Variants in ANK3 observed in about 807,000 individuals in gnomAD.
The protein encoded by ANK3 is ankyrin-3.
In ANK3, 57 loss-of-function variants were observed where a neutral mutation model predicts 370.9. That is an observed-to-expected ratio of 0.15 (90% CI 0.12 to 0.19). The LOEUF is 0.19. Among genes scored for constraint, ANK3 ranks in the 10% least tolerant of loss-of-function variants. The pLI, the probability that ANK3 is intolerant of heterozygous loss-of-function variation, is 1.00. For synonymous variants in ANK3, 1,929 were observed against 1,946.3 expected (o/e 0.99, Z 0.23); for missense variants, 4,439 against 5,302.1 (o/e 0.84, Z 5.06).
chr10:60,382,013 C>T (rs2061613463), intron 1 of ANK3, among the ~76,000 whole-genome samples: 1 of 152,130 alleles, frequency 6.6e-6, no homozygotes, highest in South Asian at 2.1e-4. Flanking sequence ...ACCATGTTTT[C>T]ATACTTTCTT....
At chr10:60,179,604 A>G (rs1222948798) in intron 18 of ANK3, among the ~76,000 whole-genome samples, 1 of 151,262 alleles carries the variant, frequency 6.6e-6, no homozygotes, top group African/African-American at 2.4e-5. Flanking sequence ...CTGAGGTGGG[A>G]TTGCTTGAAT....
chr10:60,565,885 G>C (rs1444923563), intron 2 of ANK3, among the ~76,000 whole-genome samples: 1 of 152,126 alleles, frequency 6.6e-6, no homozygotes, highest in Non-Finnish European at 1.5e-5. Context: ...TTTCTACACA[G>C]ATTGGTTTAA....
intron 2 of ANK3, among the ~76,000 whole-genome samples, chr10:60,456,837 G>A (rs1033214226): frequency 6.6e-6 from 1 of 152,080 alleles, no homozygotes; most frequent in Non-Finnish European, 1.5e-5. Flanking sequence ...CTAGATTTTT[G>A]CTTCCTGCTG....
intron 20 of ANK3, 44 bp downstream of exon 20, chr10:60,172,856 A>G (rs368259667): frequency 6.0e-6 from 8 of 1,339,580 alleles, no homozygotes; most frequent in Non-Finnish European, 8.5e-6. Context: ...GTCCAGGCCC[A>G]TCTATCTCCT....
At chr10:60,222,620 A>G (rs954170202) in intron 8 of ANK3, among the ~76,000 whole-genome samples, 1 of 152,126 alleles carries the variant, frequency 6.6e-6, no homozygotes, top group African/African-American at 2.4e-5. Flanking sequence ...ATTCACAGTT[A>G]CTCCTCAGTC....
intron 2 of ANK3, among the ~76,000 whole-genome samples, chr10:60,468,631 T>C (rs995558358): frequency 2.6e-5 from 4 of 152,032 alleles, no homozygotes; most frequent in African/African-American, 9.7e-5. Flanking sequence ...CTAGCCTGGT[T>C]TCCAGTCCCA....
chr10:60,553,224 A>C (rs2077129849), intron 2 of ANK3, among the ~76,000 whole-genome samples: 1 of 152,140 alleles, frequency 6.6e-6, no homozygotes, highest in Non-Finnish European at 1.5e-5. Flanking sequence ...TGGATTCTGA[A>C]AGGCTAGAAT....
intron 2 of ANK3, among the ~76,000 whole-genome samples, chr10:60,582,590 T>G (rs1411699464): frequency 6.6e-6 from 1 of 151,562 alleles, no homozygotes; most frequent in Non-Finnish European, 1.5e-5. Context: ...TCAAGGTCAC[T>G]ATGTGGCTCT....
At chr10:60,392,575 GTTTACATAGGA>G (rs1035787611), upstream of ANK3, among the ~76,000 whole-genome samples, 2 of 152,188 alleles carry the variant, frequency 1.3e-5, no homozygotes, top group African/African-American at 2.4e-5. Context: ...CCATGAGAAT[GTTTACATAGGA>G]TTTACATAGG....
chr10:60,177,802 G>A (rs748846013), intron 18 of ANK3, among the ~76,000 whole-genome samples: 4 of 151,852 alleles, frequency 2.6e-5, no homozygotes, highest in African/African-American at 7.3e-5. Context: ...GGGTTTCGCC[G>A]TGTTAGCCAG....
intron 1 of ANK3, among the ~76,000 whole-genome samples, chr10:60,346,293 A>G (rs2132676293): frequency 1.3e-5 from 1 of 75,018 alleles, no homozygotes; most frequent in South Asian, 1.3e-3. Flanking sequence ...ATGGCACACA[A>G]AAAAGGTTAA....
intron 1 of ANK3, among the ~76,000 whole-genome samples, chr10:60,632,462 T>C (rs1345304768): frequency 6.6e-6 from 1 of 152,178 alleles, no homozygotes; most frequent in African/African-American, 2.4e-5. Flanking sequence ...AAACTACTTA[T>C]TCTTGCCAGG....
chr10:60,172,950 T>C lies in ANK3; in HGVS notation c.2332A>G (p.Ile778Val), dbSNP rs768430532. 5 of 1,614,062 alleles carry C rather than the reference T, an allele frequency of 3.1e-6. No individual in the cohort carries two copies. The highest frequency in any genetic ancestry group is 4.5e-5 in the East Asian group (2 of 44,850). ...TTGTTCTGAAGTAAGACATTTATTA[T>C]ATGCGTATGCCCCTGCTGTGCTGCT... ...HQAAQQGHTH[I>V]INVLLQNNAS... The change falls in exon 20 of 44, where the codon ATA becomes GTA. Residue 778 changes from isoleucine (I) to valine (V), a missense_variant. Around this residue, in one of 13 missense-constraint regions of ANK3, gnomAD observed 702 missense variants for 941.5 expected, o/e 0.75. Transcript: ENST00000280772.
chr10:60,082,134 G>A lies in ANK3; in HGVS notation c.4350+16C>T. ...TTCTACTTCTGATAGAATAAAAGCA[G>A]AAGTGTTTATATTACCTCATCATCT... is the stretch of plus-strand genomic sequence containing the variant. On this transcript the variant is annotated intron_variant, in intron 35 of 43. Coordinates refer to ENST00000280772, the MANE Select transcript of ANK3 (RefSeq NM_020987.5). 6.2e-7 allele frequency: 1 copy of A among 1,602,806 alleles called. No individual in the cohort carries two copies. The highest frequency in any genetic ancestry group is 2.2e-5 in the East Asian group (1 of 44,682).
chr10:60,619,420 A>T (rs1316007124), intron 1 of ANK3, among the ~76,000 whole-genome samples: 1 of 152,232 alleles, frequency 6.6e-6, no homozygotes, highest in African/African-American at 2.4e-5. Context: ...TAGAATCTGA[A>T]TAAACAGAAT....
At chr10:60,345,147 A>G (rs1419122451) in intron 1 of ANK3, among the ~76,000 whole-genome samples, 1 of 152,224 alleles carries the variant, frequency 6.6e-6, no homozygotes, top group Non-Finnish European at 1.5e-5. Context: ...ACTGAGCATT[A>G]AACTAGATTC....
intron 1 of ANK3, among the ~76,000 whole-genome samples, chr10:60,673,112 A>C (rs900179071): frequency 6.6e-6 from 1 of 151,930 alleles, no homozygotes; most frequent in Non-Finnish European, 1.5e-5. Context: ...AAAAGGTAAA[A>C]GAGTTCATGT....
In ANK3 at chr10:60,200,119, T is replaced by C; in HGVS notation, c.1491+10A>G. The C allele has an allele frequency of 1.2e-6, 2 of 1,609,770 alleles. No individual in the cohort carries two copies. The highest frequency in any genetic ancestry group is 1.1e-5 in the South Asian group (1 of 90,910). On this transcript the variant is annotated intron_variant, in intron 13 of 43. Transcript: ENST00000280772. ...CTCAATTTCAAACACTTGTCAAGTA[T>C]TGCGCATACCTTAGCTTTAGCTTCT...
intron 1 of ANK3, among the ~76,000 whole-genome samples, chr10:60,315,379 A>G (rs1262830835): frequency 2.0e-5 from 3 of 152,176 alleles, no homozygotes; most frequent in African/African-American, 7.2e-5. Flanking sequence ...AATGAAATCC[A>G]CAGTAGATCA....
Sources: allele counts gnomAD v4.1 joint callset (sites outside exome capture counted in the v4.1 genomes callset), GRCh38; gene constraint gnomAD v4.1.1; regional missense constraint gnomAD v4.1.1; transcripts MANE v1.5; gene names NCBI Gene and HGNC (gene_info 2026-07-23, HGNC 2026-07-21).